CCDC180: variants seen among roughly 807,000 people sequenced by gnomAD.
CCDC180 encodes coiled-coil domain-containing protein 180.
CCDC180 carries 154 observed loss-of-function variants against 209.2 expected under a neutral mutation model. That is an observed-to-expected ratio of 0.74 (90% confidence interval 0.65 to 0.84). The LOEUF is 0.84. Among genes scored for constraint, CCDC180 ranks in the 40% least tolerant of loss-of-function variants. CCDC180 has a pLI of 0.00. For synonymous variants in CCDC180, 778 were observed against 749.1 expected, an observed-to-expected ratio of 1.04 and a Z score of -0.63; for missense variants, 1,874 against 1,997.3, an observed-to-expected ratio of 0.94 and a Z score of 1.18.
chr9:97,350,059 C>T (rs937053226), intron 21 of CCDC180, among the ~76,000 whole-genome samples: 6 of 152,078 alleles, frequency 3.9e-5, no homozygotes, highest in Admixed American at 1.3e-4. Context: ...CTTCTACTGC[C>T]GCTTTTGCTA....
In CCDC180 at chr9:97,357,081, G is replaced by A. The variant is rs551327219; in HGVS notation, c.3265-546G>A. Among the ~76,000 whole-genome samples, 6 of 152,236 alleles carry A rather than the reference G, an allele frequency of 3.9e-5. No individual in the cohort carries two copies. The South Asian group carries it at 1.2e-3, about 31-fold the overall frequency. ...GAACATTTGGTGAATTTTGCTTCTTGTTATGAAAGGTGATGCTGTGAGAGG... is the reference window on the plus strand; with the variant it reads ...GAACATTTGGTGAATTTTGCTTCTTATTATGAAAGGTGATGCTGTGAGAGG... On this transcript the variant is annotated intron_variant, in intron 24 of 36. Transcript: ENST00000529487.
At chr9:97,358,117 C>CTTTTTTTTT (rs71487322) in intron 25 of CCDC180, 1 of 112,230 alleles carries the variant, frequency 8.9e-6, no homozygotes, top group African/African-American at 3.2e-5. Context: ...TTTCCACTTG[C>CTTTTTTTTT]TTTTTTTTTT....
intron 19 of CCDC180, among the ~76,000 whole-genome samples, chr9:97,344,000 C>T (rs1280571776): frequency 1.3e-5 from 2 of 152,162 alleles, no homozygotes; most frequent in African/African-American, 2.4e-5. Flanking sequence ...ACTGTTCACT[C>T]ATAGAGTATA....
Position 97,309,582 on chromosome 9 carries a change from A to G in CCDC180, c.238A>G (p.Met80Val), listed in dbSNP as rs1832914013. Residue 80 changes from methionine (M) to valine (V), a missense_variant, in exon 3 of 37, where the codon ATG becomes GTG. Coordinates refer to ENST00000529487, the MANE Select transcript of CCDC180 (RefSeq NM_020893.6). The part of the protein sequence containing the change: ...WMHSLPNDWI[M>V]ENPVLHREKE... ...GCACAGCCTCCCCAACGACTGGATCATGGAAAACCCTGTTCTCCACAGGTA... is the reference window on the plus strand; with the variant it reads ...GCACAGCCTCCCCAACGACTGGATCGTGGAAAACCCTGTTCTCCACAGGTA... 1 of 1,588,820 alleles carries G rather than the reference A, an allele frequency of 6.3e-7. No homozygotes were observed. The highest frequency in any genetic ancestry group is 8.6e-7 in the Non-Finnish European group (1 of 1,169,284).
In CCDC180 at chr9:97,377,149, C is replaced by G. The variant is rs1310684707; in HGVS notation, c.*255C>G. 3.3e-6 allele frequency: 1 copy of G among 306,298 alleles called. No homozygotes were observed. Among genetic ancestry groups the G allele is most frequent in the Non-Finnish European group, 6.1e-6 (1 of 164,040 alleles). 19.0% of individuals were successfully genotyped at this position (306,298 alleles called of 1,614,324 possible). On this transcript the variant is annotated 3_prime_UTR_variant, in exon 37 of 37. Coordinates refer to ENST00000529487, the MANE Select transcript of CCDC180 (RefSeq NM_020893.6). ...GGGAGGGTGAGTACCAGGAATCAGT[C>G]ACTTCAAATAGGCACCAGAGCTTCA...
Position 97,320,109 on chromosome 9 carries a change from T to A in CCDC180, c.1080-17T>A. 6.2e-7 allele frequency: 1 copy of A among 1,611,080 alleles called. No individual in the cohort carries two copies. Among genetic ancestry groups the A allele is most frequent in the Non-Finnish European group, 8.5e-7 (1 of 1,177,232 alleles). ...GTTTGTTCCTGTGTGGCTTACTTGCTGTATCTTCCTTCCCAGTGACCTCCT... is the reference window on the plus strand; with the variant it reads ...GTTTGTTCCTGTGTGGCTTACTTGCAGTATCTTCCTTCCCAGTGACCTCCT... On this transcript the variant is annotated splice_polypyrimidine_tract_variant and intron_variant, in intron 10 of 36. Coordinates refer to ENST00000529487, the MANE Select transcript of CCDC180 (RefSeq NM_020893.6).
In CCDC180 at chr9:97,317,169, G is replaced by T. The variant is rs770262795; in HGVS notation, c.900G>T (p.Trp300Cys). The T allele has an allele frequency of 4.3e-6, 7 of 1,613,036 alleles. No individual in the cohort carries two copies. Among genetic ancestry groups the T allele is most frequent in the African/African-American group, 1.3e-5 (1 of 74,924 alleles). ...AGGAGCTGGACAGCCGCCACCGCTG[G>T]CAAGGCTTGGTGGACACCTGGAAGG... The part of the protein sequence containing the change: ...LQQELDSRHR[W>C]QGLVDTWKAL... Residue 300 changes from tryptophan to cysteine, a missense_variant, in exon 9 of 37, where the codon TGG (tryptophan) becomes TGT (cysteine). Physicochemically the swap from Trp to Cys is radical, Grantham distance 215. Transcript: ENST00000529487.
At position 97,350,432 on chromosome 9, in the gene CCDC180, T is replaced by A. The variant is rs1392678595; in HGVS notation, c.2879T>A (p.Leu960Gln). Residue 960 changes from leucine (L) to glutamine (Q), a missense_variant, in exon 22 of 37, where the codon CTG (leucine) becomes CAG (glutamine). Transcript: ENST00000529487. ...AGGCTGGTCACTCTCAGCAACACACTGCACCAGGAGTTGCTTAGCTATGTT... is the reference window on the plus strand; with the variant it reads ...AGGCTGGTCACTCTCAGCAACACACAGCACCAGGAGTTGCTTAGCTATGTT... ...SQKLVTLSNTLHQELLSYVDV... is the reference protein window; with the variant it reads ...SQKLVTLSNTQHQELLSYVDV... The A allele has an allele frequency of 2.0e-6, 3 of 1,535,800 alleles. No homozygotes were observed. The Admixed American group carries it at 5.9e-5, about 30-fold the overall frequency.
chr9:97,325,669 C>T (rs1481598926), intron 14 of CCDC180, among the ~76,000 whole-genome samples: 4 of 152,186 alleles, frequency 2.6e-5, no homozygotes, highest in Admixed American at 6.5e-5. Context: ...TTTCTATGTG[C>T]GGTTTCTCAG....
intron 36 of CCDC180, chr9:97,375,836 A>T (rs1313616279): frequency 5.7e-6 from 3 of 523,578 alleles, no homozygotes; most frequent in Non-Finnish European, 6.8e-6. Flanking sequence ...CATCCCACCC[A>T]GATTAGGGGT....
At chr9:97,359,377 G>A (rs1826685041) in intron 25 of CCDC180, among the ~76,000 whole-genome samples, 1 of 152,208 alleles carries the variant, frequency 6.6e-6, no homozygotes, top group Admixed American at 6.5e-5. Flanking sequence ...GCATGGGTGT[G>A]CGGGCATTCC....
intron 11 of CCDC180, among the ~76,000 whole-genome samples, chr9:97,322,237 C>G (rs1358000124): frequency 6.6e-6 from 1 of 152,112 alleles, no homozygotes; most frequent in Non-Finnish European, 1.5e-5. Flanking sequence ...TATCCTAAAT[C>G]TATACCTAGC....
rs1455794868 is a variant in CCDC180, at chr9:97,335,083, C to A, written c.2274+4316C>A. ...GTCCCTCACACATTTTTACACCCAGCCTGTTTTATTTTTTGAAAGTAAGAC... is the reference window on the plus strand; with the variant it reads ...GTCCCTCACACATTTTTACACCCAGACTGTTTTATTTTTTGAAAGTAAGAC... On this transcript the variant is annotated intron_variant, in intron 18 of 36. Coordinates refer to ENST00000529487, the MANE Select transcript of CCDC180 (RefSeq NM_020893.6). Among the ~76,000 whole-genome samples, 5 of 152,240 alleles carry A rather than the reference C, an allele frequency of 3.3e-5. No homozygotes were observed. In the East Asian group the frequency reaches 9.6e-4, roughly 29 times the overall value.
intron 8 of CCDC180, among the ~76,000 whole-genome samples, chr9:97,315,850 G>A (rs1003851790): frequency 6.6e-6 from 1 of 152,198 alleles, no homozygotes; most frequent in Non-Finnish European, 1.5e-5. Context: ...TTGCTGCGTC[G>A]TTAAATGAAG....
intron 19 of CCDC180, 46 bp downstream of exon 19, chr9:97,343,609 G>A (rs779669268): frequency 1.9e-5 from 24 of 1,259,772 alleles, no homozygotes; most frequent in South Asian, 2.7e-5. Flanking sequence ...TCTGAGTTTT[G>A]TAAACAAGGT....
intron 10 of CCDC180, 84 bp downstream of exon 10, chr9:97,318,666 A>G (rs1176758908): frequency 6.4e-7 from 1 of 1,555,026 alleles, no homozygotes; most frequent in Non-Finnish European, 8.7e-7. Flanking sequence ...CTGTCCCCCA[A>G]GGCATCCTTC....
rs890484318 is a variant in CCDC180 at position 97,309,494 on chromosome 9, C to A, written c.150C>A (p.Pro50=). Residue 50 remains proline (P), a synonymous_variant, in exon 3 of 37, where the codon CCC becomes CCA. Transcript: ENST00000529487. ...RSVTLKSGRI[P]MMKKVETPEG... ...TGACCCTGAAGAGTGGCAGGATACC[C>A]ATGATGAAGAAGGTGGAGACTCCTG... is the stretch of plus-strand genomic sequence containing the variant. 5 of 1,607,892 alleles carry A rather than the reference C, an allele frequency of 3.1e-6. No individual in the cohort carries two copies. Among genetic ancestry groups the A allele is most frequent in the Non-Finnish European group, 4.2e-6 (5 of 1,177,290 alleles).
At chr9:97,324,938 AG>A in intron 13 of CCDC180, 80 bp from the exon 14 acceptor site, 2 of 1,338,578 alleles carry the variant, frequency 1.5e-6, no homozygotes, top group South Asian at 1.4e-5. Context: ...CGTTAGAGAC[AG>A]GGGGTCCCAC....
intron 20 of CCDC180, among the ~76,000 whole-genome samples, chr9:97,348,121 G>C (rs900320788): frequency 0.1 from 204 of 2,038 alleles, 1 homozygote; most frequent in Non-Finnish European, 0.085. Flanking sequence ...ATGCGGGGCG[G>C]GGGGGGGGCA....
Sources: allele counts gnomAD v4.1 joint callset (sites outside exome capture counted in the v4.1 genomes callset), GRCh38; gene constraint gnomAD v4.1.1; transcripts MANE v1.5; gene names NCBI Gene and HGNC (gene_info 2026-07-23, HGNC 2026-07-21).